The following TNRC18 variants were observed in gnomAD, a reference collection of about 807,000 sequenced individuals.
The protein encoded by TNRC18 is trinucleotide repeat-containing gene 18 protein.
TNRC18 carries 69 observed loss-of-function variants against 226.7 expected under a neutral mutation model. The observed-to-expected ratio is 0.30, with a 90% confidence interval of 0.25 to 0.37. TNRC18 has a LOEUF of 0.37. Among genes scored for constraint, TNRC18 ranks in the 10% least tolerant of loss-of-function variants. TNRC18 has a pLI of 1.00. For synonymous variants in TNRC18, 2,449 were observed against 1,927.6 expected, an observed-to-expected ratio of 1.27 and a Z score of -7.09; for missense variants, 4,754 against 4,256.6, an observed-to-expected ratio of 1.12 and a Z score of -3.25.
At chr7:5,357,823 T>C (rs984552271) in intron 15 of TNRC18, among the ~76,000 whole-genome samples, 1 of 152,090 alleles carries the variant, frequency 6.6e-6, no homozygotes, top group South Asian at 2.1e-4. Context: ...GGTACTTGTG[T>C]CTGGGTATCG....
At chr7:5,356,798 G>A in intron 16 of TNRC18, 118 bp downstream of exon 16, 4 of 1,370,766 alleles carry the variant, frequency 2.9e-6, no homozygotes, top group Non-Finnish European at 2.9e-6. Flanking sequence ...GCGCCCCAGA[G>A]AGAGAGCGAG....
chr7:5,379,088 T>C (rs1370806664), intron 5 of TNRC18, among the ~76,000 whole-genome samples: 1 of 151,922 alleles, frequency 6.6e-6, no homozygotes, highest in East Asian at 1.9e-4. Context: ...TCCCAGCTAC[T>C]CAGGAGGCTG....
At chr7:5,363,953 G>A (rs1793349011) in intron 11 of TNRC18, among the ~76,000 whole-genome samples, 2 of 152,056 alleles carry the variant, frequency 1.3e-5, no homozygotes, top group South Asian at 4.1e-4. Context: ...GACAGTTCCA[G>A]AAATGATTAT....
In TNRC18 at chr7:5,322,806, A is replaced by G. The variant is rs573362124; in HGVS notation, c.6442+1408T>C. On this transcript the variant is annotated intron_variant, in intron 21 of 29. Coordinates refer to ENST00000430969, the MANE Select transcript of TNRC18 (RefSeq NM_001080495.3). ...CATTACCCAGATGGCTCGCTGGGAG[A>G]GGGATGGGTGGGACGGCCGTATCCC... Among the ~76,000 whole-genome samples the G allele has an allele frequency of 4.8e-4, 73 of 152,104 alleles. No homozygotes were observed. In the South Asian group the frequency reaches 7.9e-3, roughly 16 times the overall value.
chr7:5,363,528 T>C (rs1173491743), intron 11 of TNRC18, among the ~76,000 whole-genome samples: 7 of 151,894 alleles, frequency 4.6e-5, no homozygotes, highest in East Asian at 1.9e-4. Flanking sequence ...GGCGAGAACC[T>C]GGGAGGCGGA....
Position 5,316,082 on chromosome 7 carries a change from G to A in TNRC18, c.6746-10C>T. On this transcript the variant is annotated splice_polypyrimidine_tract_variant and intron_variant, in intron 24 of 29. Transcript: ENST00000430969. The stretch of plus-strand genomic sequence containing the variant: ...TCCAGGTCCAGTAACCCTGTGGGAA[G>A]AGGGGAGGCTCAGGGGAGGCCCTCG... The A allele has an allele frequency of 6.2e-7, 1 of 1,609,042 alleles. No homozygotes were observed. Among genetic ancestry groups the A allele is most frequent in the Non-Finnish European group, 8.5e-7 (1 of 1,177,268 alleles).
rs771991498 is a variant in TNRC18 at position 5,388,383 on chromosome 7, C to G, written c.1441G>C (p.Gly481Arg). The G allele has an allele frequency of 6.5e-7, 1 of 1,529,792 alleles. No homozygotes were observed. The highest frequency in any genetic ancestry group is 1.2e-5 in the South Asian group (1 of 82,134). The allele number at this position is 1,529,792 out of a possible 1,614,324, so 94.8% of individuals were successfully genotyped here. ...TGTTGGGCTGCAGGACCGGCTGGGC[C>G]GCGGGGCGCACGCTCGCAGGGCCTC... is the stretch of plus-strand genomic sequence containing the variant. ...DPRPCERAPR[G>R]PAGPAAQQAA... is the part of the protein sequence containing the mutation. The change falls in exon 5 of 30, where the codon GGC (glycine) becomes CGC (arginine). Residue 481 changes from glycine to arginine, a missense_variant. Transcript: ENST00000430969.
At chr7:5,421,723 G>A (rs1326594874) in intron 1 of TNRC18, among the ~76,000 whole-genome samples, 1 of 152,186 alleles carries the variant, frequency 6.6e-6, no homozygotes, top group Non-Finnish European at 1.5e-5. Flanking sequence ...AGTGACCGGC[G>A]GCGGTGGCGC....
At chr7:5,336,526 G>A (rs1790134113) in intron 18 of TNRC18, among the ~76,000 whole-genome samples, 2 of 151,752 alleles carry the variant, frequency 1.3e-5, no homozygotes, top group African/African-American at 4.8e-5. Flanking sequence ...GAGGATCCCT[G>A]AGGTCAAGAG....
rs962144470 is a variant in TNRC18 at position 5,388,674 on chromosome 7, G to A, written c.1150C>T (p.Arg384Cys). The A allele has an allele frequency of 7.1e-6, 9 of 1,267,410 alleles. No individual in the cohort carries two copies. In the African/African-American group the frequency reaches 8.0e-5, roughly 11 times the overall value. 78.5% of individuals were successfully genotyped at this position (1,267,410 alleles called of 1,614,324 possible). Residue 384 changes from arginine to cysteine, a missense_variant, in exon 5 of 30, where the codon CGC (arginine) becomes TGC (cysteine). By Grantham distance (180) the Arg-to-Cys change is radical. Transcript: ENST00000430969. ...GATGCGATCTGGATGGGCCCCGGGCGCTCGTCGAAGGCCTCCACGGAAGGC... is the reference window on the plus strand; with the variant it reads ...GATGCGATCTGGATGGGCCCCGGGCACTCGTCGAAGGCCTCCACGGAAGGC... Reference protein sequence around the residue: ...FVPSVEAFDERPGPIQIASQA... With the variant: ...FVPSVEAFDECPGPIQIASQA...
Position 5,394,488 on chromosome 7 carries a change from G to C in TNRC18, c.295C>G (p.Pro99Ala), listed in dbSNP as rs371153678. ...AGCTGCACCATGGGCAGGTTGCTAG[G>C]GGTTGGGGAGCGGAAAGACAGGTCA... Reference protein sequence around the residue: ...PSDLSFRSPTPSNLPMVQLWA... With the variant: ...PSDLSFRSPTASNLPMVQLWA... The change falls in exon 3 of 30, where the codon CCT becomes GCT. Residue 99 changes from proline (P) to alanine (A), a missense_variant. Transcript: ENST00000430969. This position sits in a 1 kb window ranked among gnomAD's most constrained non-coding sequence, Gnocchi z 4.5. 14 of 1,562,040 alleles carry C rather than the reference G, an allele frequency of 9.0e-6. No homozygotes were observed. The African/African-American group carries it at 1.6e-4, about 18-fold the overall frequency.
At position 5,421,313 on chromosome 7, in the gene TNRC18, G is replaced by A. The variant is rs1782573879; in HGVS notation, c.-67C>T. The A allele has an allele frequency of 8.2e-7, 1 of 1,221,256 alleles. No individual in the cohort carries two copies. Among genetic ancestry groups the A allele is most frequent in the Non-Finnish European group, 1.0e-6 (1 of 976,564 alleles). The allele number at this position is 1,221,256 out of a possible 1,614,324, so 75.7% of individuals were successfully genotyped here. A position where few individuals can be genotyped will look rare whatever the true frequency, so the allele number is the denominator to read the frequency against. ...AGGCCTAGCTCAGTGGGACCTAAAAGTTCGGCCTCGGCGTAGTCCCAGAGT... is the reference window on the plus strand; with the variant it reads ...AGGCCTAGCTCAGTGGGACCTAAAAATTCGGCCTCGGCGTAGTCCCAGAGT... On this transcript the variant is annotated 5_prime_UTR_variant, in exon 2 of 30. Coordinates refer to ENST00000430969, the MANE Select transcript of TNRC18 (RefSeq NM_001080495.3).
intron 3 of TNRC18, 132 bp from the exon 4 acceptor site, chr7:5,390,760 C>T: frequency 9.6e-7 from 1 of 1,039,084 alleles, no homozygotes; most frequent in South Asian, 1.9e-5. Context: ...TTAACAGCAG[C>T]TCCTCAGGGC....
In TNRC18 at chr7:5,376,022, T is replaced by C. The variant is rs1583974821; in HGVS notation, c.2799+12A>G. Reference sequence around the variant, plus strand: ...CCCCAGAGGGAGCTGCGCCTCATCCTCCCCGACTTACCACGAGCTGGGCGC... The same window carrying C: ...CCCCAGAGGGAGCTGCGCCTCATCCCCCCCGACTTACCACGAGCTGGGCGC... On this transcript the variant is annotated intron_variant, in intron 9 of 29. Transcript: ENST00000430969. 1 of 1,582,614 alleles carries C rather than the reference T, an allele frequency of 6.3e-7. No homozygotes were observed. The highest frequency in any genetic ancestry group is 8.6e-7 in the Non-Finnish European group (1 of 1,166,248).
rs754143983 is a variant in TNRC18, at chr7:5,389,461, G to GTTTTTTTTTTTTTTTTT, written c.488-126_488-125insAAAAAAAAAAAAAAAAA. The GTTTTTTTTTTTTTTTTT allele has an allele frequency of 5.5e-4, 309 of 565,466 alleles. 11 individuals carry two copies. The African/African-American group carries it at 7.9e-3, about 14-fold the overall frequency. 35.0% of individuals were successfully genotyped at this position (565,466 alleles called of 1,614,324 possible). A position where few individuals can be genotyped will look rare whatever the true frequency, so the allele number is the denominator to read the frequency against. On this transcript the variant is annotated intron_variant, in intron 4 of 29. Transcript: ENST00000430969. The stretch of plus-strand genomic sequence containing the variant: ...TGCCTCCCCCAGTGTTTTGGTTTTG[G>GTTTTTTTTTTTTTTTTT]TTTTTTTTTTCAGAAAGAGTCTCGC...
chr7:5,352,491 A>C (rs1161738144), intron 16 of TNRC18, among the ~76,000 whole-genome samples: 1 of 152,136 alleles, frequency 6.6e-6, no homozygotes, highest in Non-Finnish European at 1.5e-5. Context: ...ACCGCAGAGG[A>C]CCTGACTCAG....
intron 18 of TNRC18, among the ~76,000 whole-genome samples, chr7:5,343,019 A>T (rs1790832085): frequency 1.3e-5 from 2 of 152,172 alleles, no homozygotes. Flanking sequence ...CGTTTTTGGC[A>T]ATACACTATT....
chr7:5,333,281 C>T (rs1373515650), intron 18 of TNRC18, among the ~76,000 whole-genome samples: 4 of 152,250 alleles, frequency 2.6e-5, no homozygotes, highest in African/African-American at 4.8e-5. Flanking sequence ...CTCCCAGCCC[C>T]TTGCCCCATG....
At chr7:5,331,302 C>T (rs1789497512) in intron 19 of TNRC18, among the ~76,000 whole-genome samples, 2 of 152,098 alleles carry the variant, frequency 1.3e-5, no homozygotes, top group Admixed American at 1.3e-4. Context: ...GCAACTGGCC[C>T]TCAGCTTCCT....
Sources: allele counts gnomAD v4.1 joint callset (sites outside exome capture counted in the v4.1 genomes callset), GRCh38; gene constraint gnomAD v4.1.1; non-coding constraint Gnocchi (gnomAD v3.1); transcripts MANE v1.5; gene names NCBI Gene and HGNC (gene_info 2026-07-23, HGNC 2026-07-21).